Variants in KIF6 observed in about 807,000 individuals in gnomAD.
The protein encoded by KIF6 is kinesin-like protein KIF6.
A neutral mutation model predicts 112.7 loss-of-function variants in KIF6; 106 were observed. The ratio of observed to expected loss-of-function variants is 0.94; its 90% CI spans 0.80 to 1.11. The LOEUF (loss-of-function observed/expected upper bound fraction) is 1.11. Ranked by LOEUF, KIF6 falls within the 50% of genes least tolerant of loss-of-function variation. The probability of loss-of-function intolerance (pLI) is 0.00; values close to 1 mark genes in which losing one functional copy is unlikely to be tolerated. For missense variants in KIF6, 929 were observed against 964.0 expected (o/e 0.96, Z 0.48); for synonymous variants, 339 against 339.9 (o/e 1.00, Z 0.03).
chr6:39,537,077 G>A (rs576537898), intron 13 of KIF6, among the ~76,000 whole-genome samples: 1 of 152,088 alleles, frequency 6.6e-6, no homozygotes, highest in Non-Finnish European at 1.5e-5. Context: ...AAAATAATAA[G>A]AGCTATCTAT....
At chr6:39,588,013 T>C (rs1781728071) in intron 7 of KIF6, among the ~76,000 whole-genome samples, 1 of 152,232 alleles carries the variant, frequency 6.6e-6, no homozygotes, top group Non-Finnish European at 1.5e-5. Flanking sequence ...GGAAACACTT[T>C]GTTCACGTGG....
chr6:39,694,838 CA>C (rs1379563707), intron 3 of KIF6, among the ~76,000 whole-genome samples: 1 of 151,404 alleles, frequency 6.6e-6, no homozygotes, highest in East Asian at 1.9e-4. Context: ...CATATGGAAC[CA>C]AAAAAAAGCT....
At chr6:39,500,166 G>A (rs530249413) in intron 13 of KIF6, among the ~76,000 whole-genome samples, 1 of 152,308 alleles carries the variant, frequency 6.6e-6, no homozygotes, top group South Asian at 2.1e-4. Context: ...GGGATGGGAA[G>A]GCATAGAAGG....
chr6:39,477,766 C>A (rs757513583), intron 13 of KIF6, among the ~76,000 whole-genome samples: 31 of 152,228 alleles, frequency 2.0e-4, no homozygotes, highest in Middle Eastern at 3.4e-3. Flanking sequence ...GAGGCTGAGG[C>A]AGGAGAATGG....
intron 15 of KIF6, among the ~76,000 whole-genome samples, chr6:39,412,592 A>G (rs1769563920): frequency 6.6e-6 from 1 of 152,218 alleles, no homozygotes; most frequent in Non-Finnish European, 1.5e-5. Flanking sequence ...CGGTTCTCTT[A>G]CAACCATGTT....
intron 13 of KIF6, among the ~76,000 whole-genome samples, chr6:39,479,242 T>C (rs983965423): frequency 6.6e-6 from 1 of 152,212 alleles, no homozygotes. Flanking sequence ...AAGTCTTAGA[T>C]TTAAGTCCTT....
intron 16 of KIF6, among the ~76,000 whole-genome samples, chr6:39,379,499 T>C (rs1469858873): frequency 6.6e-6 from 1 of 152,166 alleles, no homozygotes; most frequent in East Asian, 1.9e-4. Context: ...AGAATATATA[T>C]GGAAATAAAT....
At chr6:39,643,028 G>C (rs915953242) in intron 3 of KIF6, among the ~76,000 whole-genome samples, 2 of 152,096 alleles carry the variant, frequency 1.3e-5, no homozygotes, top group African/African-American at 2.4e-5. Flanking sequence ...CTAGTTTGTT[G>C]ACGATAAATT....
intron 15 of KIF6, among the ~76,000 whole-genome samples, chr6:39,394,664 A>G (rs931727208): frequency 6.6e-6 from 1 of 152,252 alleles, no homozygotes; most frequent in African/African-American, 2.4e-5. Context: ...AGAAAGGTCC[A>G]GCAATGGAAC....
At chr6:39,501,213 G>A (rs1219404532) in intron 13 of KIF6, among the ~76,000 whole-genome samples, 1 of 152,154 alleles carries the variant, frequency 6.6e-6, no homozygotes, top group Non-Finnish European at 1.5e-5. Flanking sequence ...CCAGGGTCTA[G>A]AGCAGACTCC....
chr6:39,610,046 T>A (rs557826241), intron 6 of KIF6, among the ~76,000 whole-genome samples: 86 of 152,352 alleles, frequency 5.6e-4, no homozygotes, highest in African/African-American at 1.9e-3. Context: ...TCTATGGCAC[T>A]ATGCATGGCC....
intron 16 of KIF6, among the ~76,000 whole-genome samples, chr6:39,370,523 T>C (rs567130345): frequency 1.3e-5 from 2 of 152,330 alleles, no homozygotes; most frequent in East Asian, 1.9e-4. Flanking sequence ...ATTTATCATA[T>C]ATTGGAGTCA....
At chr6:39,658,145 A>G (rs1785910566) in intron 3 of KIF6, among the ~76,000 whole-genome samples, 2 of 152,226 alleles carry the variant, frequency 1.3e-5, no homozygotes, top group African/African-American at 4.8e-5. Context: ...GTTTAGACAC[A>G]AAAAGGTTAA....
At chr6:39,375,681 A>T (rs1766385317) in intron 16 of KIF6, among the ~76,000 whole-genome samples, 1 of 152,162 alleles carries the variant, frequency 6.6e-6, no homozygotes, top group South Asian at 2.1e-4. Flanking sequence ...TTGGACTAGA[A>T]CTACAGCTAG....
At chr6:39,393,996 G>A (rs1022384481) in intron 15 of KIF6, among the ~76,000 whole-genome samples, 3 of 152,118 alleles carry the variant, frequency 2.0e-5, no homozygotes, top group Non-Finnish European at 2.9e-5. Flanking sequence ...TTACATATAC[G>A]TATGTAAATA....
intron 22 of KIF6, among the ~76,000 whole-genome samples, chr6:39,338,918 CT>C (rs1303796180): frequency 7.0e-6 from 1 of 143,820 alleles, no homozygotes; most frequent in African/African-American, 2.6e-5. Flanking sequence ...CTCTGAGCCC[CT>C]CACACACTTG....
intron 2 of KIF6, among the ~76,000 whole-genome samples, chr6:39,717,683 T>G (rs1313648366): frequency 6.6e-6 from 1 of 152,130 alleles, no homozygotes; most frequent in Non-Finnish European, 1.5e-5. Context: ...TTTGTTGTGT[T>G]CCCTGCTGTA....
At chr6:39,401,711 T>C (rs1768716364) in intron 15 of KIF6, among the ~76,000 whole-genome samples, 1 of 151,968 alleles carries the variant, frequency 6.6e-6, no homozygotes, top group African/African-American at 2.4e-5. Context: ...TGGGTAGTGC[T>C]AGCAGGTGAA....
At chr6:39,586,692 G>A (rs558391855) in intron 7 of KIF6, among the ~76,000 whole-genome samples, 11 of 152,084 alleles carry the variant, frequency 7.2e-5, no homozygotes, top group Admixed American at 2.0e-4. Flanking sequence ...TGTTTTTAAC[G>A]ATTGGAAAAT....
Sources: gnomAD v4.1 joint callset for allele counts (sites outside exome capture counted in the v4.1 genomes callset) on GRCh38, gnomAD v4.1.1 for gene constraint, MANE v1.5 for transcripts, NCBI Gene and HGNC (gene_info 2026-07-23, HGNC 2026-07-21) for gene names.